The following RFX3 variants were observed in gnomAD, a reference collection of about 807,000 sequenced individuals.
The protein encoded by RFX3 is transcription factor RFX3.
RFX3 carries 14 observed loss-of-function variants against 98.6 expected under a neutral mutation model. That is an observed-to-expected ratio of 0.14 (90% confidence interval 0.09 to 0.22). RFX3 has a LOEUF of 0.22. Ranked by LOEUF, RFX3 falls within the 10% of genes least tolerant of loss-of-function variation. The pLI, the probability that RFX3 is intolerant of heterozygous loss-of-function variation, is 1.00. For synonymous variants in RFX3, 383 were observed against 328.4 expected (o/e 1.17, Z -1.80); for missense variants, 639 against 926.9 (o/e 0.69, Z 4.03).
intron 1 of RFX3, among the ~76,000 whole-genome samples, chr9:3,480,269 C>A (rs1849624866): frequency 6.6e-6 from 1 of 152,182 alleles, no homozygotes; most frequent in Non-Finnish European, 1.5e-5. Flanking sequence ...CATGGCTAAG[C>A]ATCTCTCTCC....
At chr9:3,370,131 A>C (rs376743481) in intron 2 of RFX3, among the ~76,000 whole-genome samples, 4 of 147,880 alleles carry the variant, frequency 2.7e-5, no homozygotes, top group Admixed American at 1.4e-4. Flanking sequence ...TTGAGCCACC[A>C]CGCCCAGCCC....
chr9:3,445,968 C>T (rs996471232), intron 1 of RFX3, among the ~76,000 whole-genome samples: 14 of 152,044 alleles, frequency 9.2e-5, no homozygotes, highest in Non-Finnish European at 2.1e-4. Flanking sequence ...TTTAGATGTA[C>T]CTCCTTTTAC....
chr9:3,414,529 G>A (rs968276096), intron 1 of RFX3, among the ~76,000 whole-genome samples: 63 of 150,234 alleles, frequency 4.2e-4, no homozygotes, highest in Admixed American at 2.1e-3. Context: ...ATATATGTGT[G>A]TGTGTGTATA....
At chr9:3,307,184 T>C (rs867160354) in intron 4 of RFX3, among the ~76,000 whole-genome samples, 2 of 152,144 alleles carry the variant, frequency 1.3e-5, no homozygotes, top group African/African-American at 2.4e-5. Context: ...ATTAAACCGC[T>C]TTCCTTTGTA....
chr9:3,435,323 A>G (rs1439665595), intron 1 of RFX3, among the ~76,000 whole-genome samples: 1 of 152,062 alleles, frequency 6.6e-6, no homozygotes, highest in Non-Finnish European at 1.5e-5. Flanking sequence ...ACACAAATAC[A>G]CTGTACAGCT....
intron 14 of RFX3, among the ~76,000 whole-genome samples, chr9:3,250,488 C>T (rs1821239103): frequency 6.6e-6 from 1 of 152,000 alleles, no homozygotes; most frequent in South Asian, 2.1e-4. Flanking sequence ...TGGAAAAACT[C>T]TCCTTTACTG....
At chr9:3,319,684 A>G (rs907747162) in intron 4 of RFX3, among the ~76,000 whole-genome samples, 5 of 152,218 alleles carry the variant, frequency 3.3e-5, no homozygotes, top group African/African-American at 9.6e-5. Flanking sequence ...AACCCTAAAA[A>G]GAAGTCTGGA....
chr9:3,347,753 G>T (rs888663607), intron 2 of RFX3, among the ~76,000 whole-genome samples: 3 of 152,052 alleles, frequency 2.0e-5, no homozygotes, highest in African/African-American at 7.2e-5. Context: ...TTGAATCCAG[G>T]AGGCAGAGGT....
intron 1 of RFX3, among the ~76,000 whole-genome samples, chr9:3,408,587 G>T (rs1010921331): frequency 2.7e-5 from 4 of 148,988 alleles, no homozygotes; most frequent in African/African-American, 1.0e-4. Context: ...AGTTATCTCT[G>T]TCTCTGTCTC....
intron 1 of RFX3, among the ~76,000 whole-genome samples, chr9:3,428,592 G>T (rs1396261188): frequency 6.6e-6 from 1 of 151,890 alleles, no homozygotes; most frequent in East Asian, 1.9e-4. Context: ...AAAATAAAAA[G>T]AATAGAAAAT....
chr9:3,273,053 C>T (rs1029608392), intron 9 of RFX3, among the ~76,000 whole-genome samples: 6 of 152,114 alleles, frequency 3.9e-5, no homozygotes, highest in African/African-American at 1.4e-4. Context: ...GGCAGTTTTA[C>T]ACATGAATAA....
At chr9:3,404,697 C>T (rs1841802213) in intron 1 of RFX3, among the ~76,000 whole-genome samples, 1 of 152,020 alleles carries the variant, frequency 6.6e-6, no homozygotes, top group South Asian at 2.1e-4. Context: ...ATATAGTTGT[C>T]ATTATATAAT....
intron 1 of RFX3, among the ~76,000 whole-genome samples, chr9:3,514,715 C>G (rs988064688): frequency 2.0e-5 from 3 of 152,198 alleles, no homozygotes; most frequent in African/African-American, 7.2e-5. Flanking sequence ...TCCCAATGTG[C>G]TGGGATTACA....
chr9:3,447,319 A>G (rs1846140788), intron 1 of RFX3, among the ~76,000 whole-genome samples: 1 of 152,174 alleles, frequency 6.6e-6, no homozygotes, highest in Admixed American at 6.6e-5. Context: ...TTTAAACTCC[A>G]TTAAGTATAA....
intron 2 of RFX3, among the ~76,000 whole-genome samples, chr9:3,366,574 G>C (rs1217049619): frequency 6.6e-6 from 1 of 151,462 alleles, no homozygotes; most frequent in Non-Finnish European, 1.5e-5. Context: ...TATCTTCTGA[G>C]ATTAAATAAA....
At position 3,338,664 on chromosome 9, in the gene RFX3, G is replaced by T. The variant is rs117732712; in HGVS notation, c.215+8003C>A. The stretch of plus-strand genomic sequence containing the variant: ...GAACTGGAGTGGGCACCAAAAGCTG[G>T]CATTTCTAACAAGTTCTCAGTTGAT... On this transcript the variant is annotated intron_variant, in intron 3 of 16. Transcript: ENST00000617270. 1.7e-3 allele frequency among the ~76,000 whole-genome samples: 260 copies of T among 152,266 alleles called. No homozygotes were observed. In the South Asian group the frequency reaches 0.023, roughly 13 times the overall value.
intron 14 of RFX3, among the ~76,000 whole-genome samples, chr9:3,252,584 T>C (rs912423571): frequency 3.9e-5 from 6 of 151,938 alleles, no homozygotes; most frequent in Non-Finnish European, 5.9e-5. Context: ...TTTCAAAGAG[T>C]AGCCAGGAGG....
At chr9:3,364,387 C>T (rs1157892125) in intron 2 of RFX3, 3 of 216,198 alleles carry the variant, frequency 1.4e-5, no homozygotes, top group Non-Finnish European at 2.8e-5. Flanking sequence ...AGCATCTCTA[C>T]CTTTTACAAA....
intron 15 of RFX3, among the ~76,000 whole-genome samples, chr9:3,245,898 C>G (rs1057378807): frequency 6.6e-6 from 1 of 151,994 alleles, no homozygotes; most frequent in Non-Finnish European, 1.5e-5. Flanking sequence ...AGGAAGTCAC[C>G]CAAGGGACCA....
Sources: gnomAD v4.1 joint callset for allele counts (sites outside exome capture counted in the v4.1 genomes callset) on GRCh38, gnomAD v4.1.1 for gene constraint, MANE v1.5 for transcripts, NCBI Gene and HGNC (gene_info 2026-07-23, HGNC 2026-07-21) for gene names.